The following CDCP1 variants were observed in gnomAD, a reference collection of about 807,000 sequenced individuals.
The protein encoded by CDCP1 is CUB domain containing protein 1, also known as CUB domain-containing protein 1.
In CDCP1, 29 loss-of-function variants were observed where a neutral mutation model predicts 60.2. That is an observed-to-expected ratio of 0.48 (90% CI 0.36 to 0.66). The LOEUF (loss-of-function observed/expected upper bound fraction) is 0.66, where lower values mean the gene tolerates loss of function less well. Ranked by LOEUF, CDCP1 falls within the 30% of genes least tolerant of loss-of-function variation. CDCP1 has a pLI of 0.00. For missense variants in CDCP1, 876 were observed against 1,074.3 expected, an observed-to-expected ratio of 0.82 and a Z score of 2.58; for synonymous variants, 387 against 431.1, an observed-to-expected ratio of 0.90 and a Z score of 1.27.
intron 1 of CDCP1, among the ~76,000 whole-genome samples, chr3:45,136,273 G>C (rs1388817353): frequency 6.6e-6 from 1 of 152,132 alleles, no homozygotes; most frequent in African/African-American, 2.4e-5. Flanking sequence ...AAAAGCAGAT[G>C]GTTCTTCCTG....
intron 1 of CDCP1, among the ~76,000 whole-genome samples, chr3:45,128,983 C>T (rs1699045079): frequency 6.6e-6 from 1 of 152,234 alleles, no homozygotes; most frequent in Non-Finnish European, 1.5e-5. Context: ...TCCCAAAGTG[C>T]TGGGATTACA....
chr3:45,126,150 C>CTT (rs1553611009), intron 1 of CDCP1, among the ~76,000 whole-genome samples: 1 of 143,412 alleles, frequency 7.0e-6, no homozygotes, highest in Non-Finnish European at 1.5e-5. Flanking sequence ...TTCTTTCTTT[C>CTT]TTTCTTTCTT....
intron 4 of CDCP1, among the ~76,000 whole-genome samples, chr3:45,098,552 C>T (rs1698439267): frequency 1.3e-5 from 2 of 152,000 alleles, no homozygotes; most frequent in Admixed American, 1.3e-4. Context: ...TGGCTTCCCA[C>T]TCAGGAAGAT....
rs554090714 is a variant in CDCP1 at position 45,091,469 on chromosome 3, C to T, written c.1697G>A (p.Arg566Gln). The change falls in exon 7 of 9, where the codon CGG becomes CAG. Residue 566 changes from arginine to glutamine, a missense_variant. Around this residue, in one of 2 missense-constraint regions of CDCP1, gnomAD observed 726 missense variants for 935.7 expected, o/e 0.78. Transcript: ENST00000296129. The surrounding 1 kb of genome is among the most constrained non-coding windows in gnomAD (Gnocchi z 4.8). ...CACAGAGGTGAGGGATGGCAGGCCCCGGTCCCAGTTGGGGGTCCTCAGGTA... is the reference window on the plus strand; with the variant it reads ...CACAGAGGTGAGGGATGGCAGGCCCTGGTCCCAGTTGGGGGTCCTCAGGTA... ...KVYLRTPNWDRGLPSLTSVSW... is the reference protein window; with the variant it reads ...KVYLRTPNWDQGLPSLTSVSW... 79 of 1,610,384 alleles carry T rather than the reference C, an allele frequency of 4.9e-5. 1 individual carries two copies. The South Asian group carries it at 6.6e-4, about 14-fold the overall frequency.
In CDCP1 at chr3:45,095,348, T is replaced by C; in HGVS notation, c.1245A>G (p.Ile415Met). 6.2e-7 allele frequency: 1 copy of C among 1,613,650 alleles called. No individual in the cohort carries two copies. Among genetic ancestry groups the C allele is most frequent in the Non-Finnish European group, 8.5e-7 (1 of 1,179,590 alleles). The change falls in exon 5 of 9, where the codon ATA (isoleucine) becomes ATG (methionine). Residue 415 changes from isoleucine to methionine, a missense_variant and splice_region_variant. Around this residue, in one of 2 missense-constraint regions of CDCP1, gnomAD observed 726 missense variants for 935.7 expected, o/e 0.78. Coordinates refer to ENST00000296129, the MANE Select transcript of CDCP1 (RefSeq NM_022842.5). ...AAATGCACTGATTCAGGGGCGTACT[T>C]ATGGTTTTTTCCACATTCATCCACA... ...TRLWMNVEKT[I>M]SCTDHRYCQR...
intron 4 of CDCP1, among the ~76,000 whole-genome samples, chr3:45,107,952 A>G (rs1396297614): frequency 6.6e-6 from 1 of 152,056 alleles, no homozygotes; most frequent in Non-Finnish European, 1.5e-5. Context: ...CCCAATCTCT[A>G]CTAAAAATAC....
At chr3:45,092,036 C>T (rs1046239019) in intron 6 of CDCP1, among the ~76,000 whole-genome samples, 1 of 152,222 alleles carries the variant, frequency 6.6e-6, no homozygotes, top group Non-Finnish European at 1.5e-5. Context: ...CTCAAGTGAT[C>T]TGCCTGCCTT....
intron 1 of CDCP1, among the ~76,000 whole-genome samples, chr3:45,126,108 C>CTT (rs1553610965): frequency 0.054 from 5,899 of 109,182 alleles, 180 homozygotes; most frequent in Middle Eastern, 0.084. Flanking sequence ...TTGTCTCTCT[C>CTT]TCTTTCTTTC....
chr3:45,138,898 GT>G (rs763381645), intron 1 of CDCP1, among the ~76,000 whole-genome samples: 1 of 152,092 alleles, frequency 6.6e-6, no homozygotes, highest in Non-Finnish European at 1.5e-5. Context: ...AAGAAAAGAG[GT>G]TTATTTAGCT....
chr3:45,106,042 A>G (rs1324752017), intron 4 of CDCP1, among the ~76,000 whole-genome samples: 2 of 152,190 alleles, frequency 1.3e-5, no homozygotes, highest in African/African-American at 2.4e-5. Context: ...ACATGACTCA[A>G]AACACAGGAT....
chr3:45,084,227 GTTTTTT>G lies in CDCP1; in HGVS notation c.*1405_*1410del. ...AGCATGGCCAGATCTTCTGATCTGG[GTTTTTT>G]TTTAAGTGTTAGAGTCCGCAAGCTA... is the stretch of plus-strand genomic sequence containing the variant. On this transcript the variant is annotated 3_prime_UTR_variant, in exon 9 of 9. Coordinates refer to ENST00000296129, the MANE Select transcript of CDCP1 (RefSeq NM_022842.5). The G allele has an allele frequency of 6.6e-6, 1 of 151,930 alleles. No homozygotes were observed. The highest frequency in any genetic ancestry group is 1.9e-4 in the East Asian group (1 of 5,164). The allele number at this position is 151,930 out of a possible 1,614,324, so 9.4% of individuals were successfully genotyped here. A position where few individuals can be genotyped will look rare whatever the true frequency, so the allele number is the denominator to read the frequency against.
At chr3:45,138,090 TC>T (rs1255018843) in intron 1 of CDCP1, among the ~76,000 whole-genome samples, 1 of 152,196 alleles carries the variant, frequency 6.6e-6, no homozygotes, top group Non-Finnish European at 1.5e-5. Flanking sequence ...GTGTTCTCAT[TC>T]CCATCTCAAA....
intron 8 of CDCP1, 30 bp from the exon 9 acceptor site, chr3:45,086,097 T>G: frequency 3.1e-6 from 5 of 1,596,052 alleles, no homozygotes; most frequent in Non-Finnish European, 4.3e-6. Flanking sequence ...AAGACAGAAG[T>G]CAGAAAGGCA....
rs1055287583 is a variant in CDCP1, at chr3:45,111,947, T to A, written c.655+136A>T. ...AGGAATGCATGACCCATGTCACTTA[T>A]AAGAGAGCTAGATCTTCCTTTATGG... On this transcript the variant is annotated intron_variant, in intron 3 of 8. Transcript: ENST00000296129. The A allele has an allele frequency of 1.3e-5, 15 of 1,147,552 alleles. No homozygotes were observed. In the African/African-American group the frequency reaches 2.2e-4, roughly 17 times the overall value. The allele number at this position is 1,147,552 out of a possible 1,614,324, so 71.1% of individuals were successfully genotyped here.
intron 1 of CDCP1, 148 bp downstream of exon 1, chr3:45,146,058 C>T (rs1422043601): frequency 2.9e-6 from 2 of 688,828 alleles, no homozygotes; most frequent in East Asian, 3.4e-5. Flanking sequence ...CGGAGCCACC[C>T]GCGCATTTTG....
chr3:45,093,488 G>A lies in CDCP1; in HGVS notation c.1416C>T (p.His472=), dbSNP rs145437551. 212 of 1,614,116 alleles carry A rather than the reference G, an allele frequency of 1.3e-4. 1 individual carries two copies. Among genetic ancestry groups the A allele is most frequent in the Middle Eastern group, 5.0e-4 (3 of 6,056 alleles). ...TGAAGCTGGTGTTGCAGGGCTTCTC[G>A]TGTGTATGCTGCTGCAGCTTCTGGG... is the stretch of plus-strand genomic sequence containing the variant. ...VPAQKLQQHT[H]EKPCNTSFSY... is the part of the protein sequence containing the mutation. The change falls in exon 6 of 9, where the codon CAC becomes CAT. Residue 472 remains histidine (H), a synonymous_variant. Coordinates refer to ENST00000296129, the MANE Select transcript of CDCP1 (RefSeq NM_022842.5).
chr3:45,134,130 C>T (rs972983218), intron 1 of CDCP1, among the ~76,000 whole-genome samples: 1 of 151,902 alleles, frequency 6.6e-6, no homozygotes, highest in Non-Finnish European at 1.5e-5. Context: ...GTTTTTGAGG[C>T]CTTAGATCTA....
intron 4 of CDCP1, among the ~76,000 whole-genome samples, chr3:45,098,466 T>C (rs1358693616): frequency 3.9e-5 from 6 of 152,270 alleles, no homozygotes; most frequent in Non-Finnish European, 8.8e-5. Context: ...CAGTAAAACA[T>C]GCTCTGTTCC....
chr3:45,102,398 A>G (rs761344774), intron 4 of CDCP1, among the ~76,000 whole-genome samples: 4 of 152,024 alleles, frequency 2.6e-5, no homozygotes, highest in Non-Finnish European at 5.9e-5. Flanking sequence ...TACAAATTTA[A>G]AGCTTAGAAA....
Sources: allele counts gnomAD v4.1 joint callset (sites outside exome capture counted in the v4.1 genomes callset), GRCh38; gene constraint gnomAD v4.1.1; regional missense constraint gnomAD v4.1.1; non-coding constraint Gnocchi (gnomAD v3.1); transcripts MANE v1.5; gene names NCBI Gene and HGNC (gene_info 2026-07-23, HGNC 2026-07-21).